KCNQ5: variants seen among roughly 807,000 people sequenced by gnomAD.
KCNQ5 encodes the protein potassium voltage-gated channel subfamily Q member 5.
In KCNQ5, 30 loss-of-function variants were observed where a neutral mutation model predicts 98.2. That is an observed-to-expected ratio of 0.31 (90% CI 0.23 to 0.41). The LOEUF is 0.41. KCNQ5 is among the 10% of genes least tolerant of loss of function. KCNQ5 has a pLI of 1.00. For synonymous variants in KCNQ5, 458 were observed against 449.4 expected, an observed-to-expected ratio of 1.02 and a Z score of -0.24; for missense variants, 835 against 1,182.5, an observed-to-expected ratio of 0.71 and a Z score of 4.31.
At chr6:73,033,632 A>C (rs575343703) in intron 2 of KCNQ5, among the ~76,000 whole-genome samples, 3 of 152,012 alleles carry the variant, frequency 2.0e-5, no homozygotes, top group Non-Finnish European at 4.4e-5. Flanking sequence ...TACCTCAGTC[A>C]TTTTTTTCCA....
intron 3 of KCNQ5, among the ~76,000 whole-genome samples, chr6:73,067,969 A>T (rs989111392): frequency 1.3e-5 from 2 of 151,660 alleles, no homozygotes; most frequent in Non-Finnish European, 2.9e-5. Context: ...AAATGTATGT[A>T]TTTATACTAT....
At chr6:73,069,336 C>T (rs1019713467) in intron 3 of KCNQ5, among the ~76,000 whole-genome samples, 1 of 151,726 alleles carries the variant, frequency 6.6e-6, no homozygotes, top group East Asian at 1.9e-4. Context: ...TTCGTGTGTT[C>T]GTGCCTTCAC....
intron 1 of KCNQ5, among the ~76,000 whole-genome samples, chr6:72,889,311 G>A (rs995722874): frequency 1.3e-5 from 2 of 152,174 alleles, no homozygotes; most frequent in Admixed American, 6.5e-5. Context: ...AGGCAGAGGG[G>A]AAGCAGATTA....
intron 9 of KCNQ5, chr6:73,129,908 A>C: frequency 7.1e-7 from 1 of 1,401,964 alleles, no homozygotes; most frequent in Non-Finnish European, 1.0e-6. Flanking sequence ...CCTCAGGTGC[A>C]TGACCAGGTT....
intron 3 of KCNQ5, among the ~76,000 whole-genome samples, chr6:73,048,429 G>A (rs1772068474): frequency 1.3e-5 from 2 of 152,298 alleles, no homozygotes; most frequent in South Asian, 2.1e-4. Flanking sequence ...TGATAGGGGA[G>A]ACAGGCAGAG....
intron 1 of KCNQ5, among the ~76,000 whole-genome samples, chr6:72,676,811 T>TC (rs1323820338): frequency 6.6e-6 from 1 of 152,206 alleles, no homozygotes; most frequent in Non-Finnish European, 1.5e-5. Context: ...CATTGTATTT[T>TC]CCTTCAAAAA....
intron 1 of KCNQ5, among the ~76,000 whole-genome samples, chr6:72,988,865 C>G (rs994876784): frequency 1.1e-5 from 1 of 93,552 alleles, no homozygotes; most frequent in African/African-American, 4.2e-5. Context: ...TCCATGTGAT[C>G]TCATTGTTCA....
chr6:72,664,100 A>T (rs1391893781), intron 1 of KCNQ5, among the ~76,000 whole-genome samples: 1 of 152,220 alleles, frequency 6.6e-6, no homozygotes, highest in African/African-American at 2.4e-5. Flanking sequence ...GACTTTAAAC[A>T]TTATTCCAAA....
intron 1 of KCNQ5, among the ~76,000 whole-genome samples, chr6:72,814,735 T>C (rs1169666291): frequency 1.3e-5 from 2 of 152,232 alleles, no homozygotes; most frequent in Non-Finnish European, 2.9e-5. Context: ...TATCATCTTG[T>C]TAATTGTCAA....
intron 9 of KCNQ5, among the ~76,000 whole-genome samples, chr6:73,124,974 TATATATACAC>T (rs1247142215): frequency 0.022 from 382 of 17,562 alleles, 3 homozygotes; most frequent in Non-Finnish European, 0.026. Context: ...TATATATATA[TATATATACAC>T]ACACACACAT....
intron 1 of KCNQ5, among the ~76,000 whole-genome samples, chr6:72,959,742 T>G (rs1207061972): frequency 6.6e-6 from 1 of 152,190 alleles, no homozygotes; most frequent in Non-Finnish European, 1.5e-5. Flanking sequence ...TTAAGTTGCT[T>G]TGGGGAAAAC....
intron 7 of KCNQ5, among the ~76,000 whole-genome samples, chr6:73,117,196 C>A (rs1309014209): frequency 4.6e-5 from 7 of 152,204 alleles, no homozygotes; most frequent in Non-Finnish European, 4.4e-5. Context: ...AATATAGGAA[C>A]ATCAGCTACT....
At chr6:72,804,667 T>G (rs939832366) in intron 1 of KCNQ5, among the ~76,000 whole-genome samples, 4 of 152,150 alleles carry the variant, frequency 2.6e-5, no homozygotes, top group Non-Finnish European at 5.9e-5. Context: ...TTCCTTTCTT[T>G]TGGGTCCATA....
chr6:72,793,471 T>A (rs1218323075), intron 1 of KCNQ5, among the ~76,000 whole-genome samples: 1 of 152,250 alleles, frequency 6.6e-6, no homozygotes, highest in East Asian at 1.9e-4. Flanking sequence ...TATTTTGTAA[T>A]CAAGCAGATC....
chr6:73,120,926 A>G (rs1775718609), intron 8 of KCNQ5, among the ~76,000 whole-genome samples: 1 of 152,148 alleles, frequency 6.6e-6, no homozygotes. Flanking sequence ...TTTATTTTGC[A>G]CCCATCGCCT....
chr6:72,641,970 C>T (rs2098927426), intron 1 of KCNQ5, among the ~76,000 whole-genome samples: 1 of 151,578 alleles, frequency 6.6e-6, no homozygotes, highest in South Asian at 2.1e-4. Flanking sequence ...TGAATATCTA[C>T]AATCTTTTCT....
At chr6:72,830,024 A>G (rs904143211) in intron 1 of KCNQ5, among the ~76,000 whole-genome samples, 12 of 152,164 alleles carry the variant, frequency 7.9e-5, no homozygotes, top group Non-Finnish European at 1.5e-4. Context: ...TCCAACATAC[A>G]AGGGATGTGA....
chr6:73,046,599 C>CTTTAT (rs1221352203), intron 3 of KCNQ5, among the ~76,000 whole-genome samples: 2 of 72,398 alleles, frequency 2.8e-5, no homozygotes, highest in Non-Finnish European at 5.6e-5. Context: ...TTTTACTTTA[C>CTTTAT]TTTATTTTAT....
Position 73,198,695 on chromosome 6 carries a change from C to T in KCNQ5, c.*3281C>T, listed in dbSNP as rs546124332. The T allele has an allele frequency of 6.6e-6, 1 of 152,288 alleles. No homozygotes were observed. The highest frequency in any genetic ancestry group is 1.9e-4 in the East Asian group (1 of 5,190). 9.4% of individuals were successfully genotyped at this position (152,288 alleles called of 1,614,324 possible). A position where few individuals can be genotyped will look rare whatever the true frequency, so the allele number is the denominator to read the frequency against. ...ATAATGTGCATTTAAGTAAGCAGTT[C>T]TAAGTCATGTATGACAATGCAATTG... is the stretch of plus-strand genomic sequence containing the variant. On this transcript the variant is annotated 3_prime_UTR_variant, in exon 14 of 14. Transcript: ENST00000370398.
Sources: gnomAD v4.1 joint callset for allele counts (sites outside exome capture counted in the v4.1 genomes callset) on GRCh38, gnomAD v4.1.1 for gene constraint, MANE v1.5 for transcripts, NCBI Gene and HGNC (gene_info 2026-07-23, HGNC 2026-07-21) for gene names.